The following PCNX1 variants were observed in gnomAD, a reference collection of about 807,000 sequenced individuals.
PCNX1 encodes pecanex 1.
A neutral mutation model predicts 242.2 loss-of-function variants in PCNX1; 78 were observed. The observed-to-expected ratio is 0.32, with a 90% CI of 0.27 to 0.39. PCNX1 has a LOEUF of 0.39. Among genes scored for constraint, PCNX1 ranks in the 10% least tolerant of loss-of-function variants. The pLI is 1.00. For synonymous variants in PCNX1, 1,024 were observed against 1,032.9 expected (o/e 0.99, Z 0.17); for missense variants, 2,581 against 2,856.5 (o/e 0.90, Z 2.20).
At chr14:71,052,684 CCTGG>C (rs1260003348) in intron 24 of PCNX1, among the ~76,000 whole-genome samples, 1 of 151,932 alleles carries the variant, frequency 6.6e-6, no homozygotes, top group East Asian at 1.9e-4. Context: ...CTTAGAAATA[CCTGG>C]CTATTTCTAA....
intron 2 of PCNX1, among the ~76,000 whole-genome samples, chr14:70,950,796 C>A (rs773125120): frequency 2.6e-5 from 4 of 151,454 alleles, no homozygotes; most frequent in South Asian, 2.1e-4. Flanking sequence ...GTATATTTTT[C>A]TATTGGTGGA....
intron 1 of PCNX1, chr14:70,942,897 T>C (rs2526862): frequency 0.64 from 96,873 of 152,148 alleles, 31,128 homozygotes; most frequent in South Asian, 0.73. Context: ...AACTGAATCA[T>C]GGGGGTGGTT....
At chr14:70,917,877 G>T (rs1372581781) in intron 1 of PCNX1, among the ~76,000 whole-genome samples, 1 of 152,196 alleles carries the variant, frequency 6.6e-6, no homozygotes, top group East Asian at 1.9e-4. Context: ...CTGTTGTTTG[G>T]TGTAGCCACC....
At chr14:70,950,982 C>G (rs1201782117) in intron 2 of PCNX1, among the ~76,000 whole-genome samples, 2 of 151,904 alleles carry the variant, frequency 1.3e-5, no homozygotes, top group Non-Finnish European at 2.9e-5. Flanking sequence ...ATAACGTTTT[C>G]TAAGATTTTC....
Position 71,070,131 on chromosome 14 carries a change from G to A in PCNX1, c.4853-3414G>A, listed in dbSNP as rs143369785. Among the ~76,000 whole-genome samples, 19 of 152,220 alleles carry A rather than the reference G, an allele frequency of 1.2e-4. No homozygotes were observed. In the East Asian group the frequency reaches 2.7e-3, roughly 22 times the overall value. ...TTTCTTCTCAACCATAAGAAACAAC[G>A]CGTCAGCTCTTTACGTTTTATCAGG... On this transcript the variant is annotated intron_variant, in intron 26 of 35. Coordinates refer to ENST00000304743, the MANE Select transcript of PCNX1 (RefSeq NM_014982.3).
chr14:71,036,273 G>A (rs2060529302), intron 19 of PCNX1, 116 bp downstream of exon 19: 1 of 675,442 alleles, frequency 1.5e-6, no homozygotes, highest in Non-Finnish European at 2.7e-6. Context: ...TGAATCCCTG[G>A]GCTCAAGTGA....
At chr14:70,983,522 C>T (rs2058906779) in intron 6 of PCNX1, among the ~76,000 whole-genome samples, 1 of 152,140 alleles carries the variant, frequency 6.6e-6, no homozygotes, top group Non-Finnish European at 1.5e-5. Context: ...CCAGGCTGGT[C>T]TCGAACTCCT....
At chr14:70,998,061 A>G (rs2059402090) in intron 8 of PCNX1, among the ~76,000 whole-genome samples, 1 of 152,242 alleles carries the variant, frequency 6.6e-6, no homozygotes, top group Non-Finnish European at 1.5e-5. Flanking sequence ...TATAAAGCAT[A>G]CATACACACA....
intron 13 of PCNX1, among the ~76,000 whole-genome samples, chr14:71,025,255 C>T (rs1245879729): frequency 6.6e-6 from 1 of 152,154 alleles, no homozygotes; most frequent in Admixed American, 6.5e-5. Context: ...TTTTGATGCT[C>T]AAATTGTCCC....
Position 70,907,793 on chromosome 14 carries a change from G to A in PCNX1, c.-58G>A. On this transcript the variant is annotated 5_prime_UTR_variant, in exon 1 of 36. Transcript: ENST00000304743. The stretch of plus-strand genomic sequence containing the variant: ...AGGCTCCGGCGACCGAGGCCGAGCT[G>A]GGGCCGGGGCGGGGACGGCGGCGGC... 8.2e-7 allele frequency: 1 copy of A among 1,218,470 alleles called. No homozygotes were observed. Among genetic ancestry groups the A allele is most frequent in the Non-Finnish European group, 1.0e-6 (1 of 978,556 alleles). The allele number at this position is 1,218,470 out of a possible 1,614,324, so 75.5% of individuals were successfully genotyped here.
intron 12 of PCNX1, among the ~76,000 whole-genome samples, chr14:71,021,785 C>G (rs897325184): frequency 6.6e-6 from 1 of 152,086 alleles, no homozygotes; most frequent in Non-Finnish European, 1.5e-5. Context: ...TTATACCACC[C>G]TCATGTTTCT....
At chr14:70,960,969 G>A (rs927490034) in intron 2 of PCNX1, among the ~76,000 whole-genome samples, 38 of 152,108 alleles carry the variant, frequency 2.5e-4, no homozygotes, top group Non-Finnish European at 2.2e-4. Flanking sequence ...GGATGTGAAG[G>A]ACCTCTTAAT....
intron 19 of PCNX1, among the ~76,000 whole-genome samples, chr14:71,041,703 C>A (rs2060709654): frequency 6.6e-6 from 1 of 151,694 alleles, no homozygotes; most frequent in South Asian, 2.1e-4. Context: ...TCTGCTCTTA[C>A]CTTTCTTACT....
In PCNX1 at chr14:71,114,692, T is replaced by C. The variant is rs897481979; in HGVS notation, c.*4757T>C. On this transcript the variant is annotated 3_prime_UTR_variant, in exon 36 of 36. Coordinates refer to ENST00000304743, the MANE Select transcript of PCNX1 (RefSeq NM_014982.3). ...ATATAGGGTTATACCTTTTTTCTTATGCCTCAGCTCTGTACCTGACAATTT... is the reference window on the plus strand; with the variant it reads ...ATATAGGGTTATACCTTTTTTCTTACGCCTCAGCTCTGTACCTGACAATTT... 1 of 152,448 alleles carries C rather than the reference T, an allele frequency of 6.6e-6. No homozygotes were observed. The highest frequency in any genetic ancestry group is 2.4e-5 in the African/African-American group (1 of 41,390). 9.4% of individuals were successfully genotyped at this position (152,448 alleles called of 1,614,324 possible). A position where few individuals can be genotyped will look rare whatever the true frequency, so the allele number is the denominator to read the frequency against.
At position 70,977,217 on chromosome 14, in the gene PCNX1, C is replaced by G; in HGVS notation, c.880C>G (p.Pro294Ala). ...GACTTCTAGCTCTGCTGTGGCTTTT[C>G]CAGACACTTCACTGAATGATTTTCC... ...PRTSSSAVAF[P>A]DTSLNDFPLY... The change falls in exon 6 of 36, where the codon CCA (proline) becomes GCA (alanine). Residue 294 changes from proline to alanine, a missense_variant. Pro to Ala is a conservative substitution (Grantham distance 27). This residue lies in a region of PCNX1 where 1,204 missense variants were observed against 1,216.7 expected (regional missense o/e 0.99). Transcript: ENST00000304743. The G allele has an allele frequency of 1.2e-6, 2 of 1,614,172 alleles. No homozygotes were observed. Among genetic ancestry groups the G allele is most frequent in the Non-Finnish European group, 1.7e-6 (2 of 1,180,034 alleles).
Position 70,944,857 on chromosome 14 carries a change from C to T in PCNX1, c.154-2058C>T, listed in dbSNP as rs368207164. ...TGGTTTTATAAGGGGCTTCCCCGTT[C>T]GCTTGGTATTCATTTCTCTCTCCTG... On this transcript the variant is annotated intron_variant, in intron 1 of 35. Coordinates refer to ENST00000304743, the MANE Select transcript of PCNX1 (RefSeq NM_014982.3). Among the ~76,000 whole-genome samples, 51 of 152,338 alleles carry T rather than the reference C, an allele frequency of 3.3e-4. No individual in the cohort carries two copies. The South Asian group carries it at 8.3e-3, about 25-fold the overall frequency.
chr14:71,009,657 G>A lies in PCNX1; in HGVS notation c.2653G>A (p.Glu885Lys). 1.2e-6 allele frequency: 2 copies of A among 1,602,610 alleles called. No individual in the cohort carries two copies. The highest frequency in any genetic ancestry group is 1.3e-5 in the African/African-American group (1 of 74,878). The change falls in exon 9 of 36, where the codon GAG becomes AAG. Residue 885 changes from glutamate to lysine, a missense_variant. Transcript: ENST00000304743. ...AGGTAAGTTCTCTTCTACGCTGTAT[G>A]AGACTGGTGGCTGTGATATGTCACT... ...ELGKFSSTLYETGGCDMSLVN... is the reference protein window; with the variant it reads ...ELGKFSSTLYKTGGCDMSLVN...
intron 17 of PCNX1, 60 bp downstream of exon 17, chr14:71,033,598 A>G (rs116984490): frequency 0.012 from 10,680 of 923,692 alleles, 92 homozygotes; most frequent in East Asian, 0.014. Flanking sequence ...TGTTTTTTTC[A>G]AATACCTTTG....
At chr14:70,912,426 A>G (rs895520244) in intron 1 of PCNX1, among the ~76,000 whole-genome samples, 2 of 152,016 alleles carry the variant, frequency 1.3e-5, no homozygotes, top group African/African-American at 4.8e-5. Context: ...AAATAACTTG[A>G]TCAATATTCC....
Sources: gnomAD v4.1 joint callset for allele counts (sites outside exome capture counted in the v4.1 genomes callset) on GRCh38, gnomAD v4.1.1 for gene constraint, gnomAD v4.1.1 regional missense constraint, MANE v1.5 for transcripts, NCBI Gene and HGNC (gene_info 2026-07-23, HGNC 2026-07-21) for gene names.